The following SEPTIN9 variants were observed in gnomAD, a reference collection of about 807,000 sequenced individuals.
The protein encoded by SEPTIN9 is septin-9.
Under a neutral mutation model 56.6 loss-of-function variants are expected in SEPTIN9, and 13 were observed. That is an observed-to-expected ratio of 0.23 (90% CI 0.15 to 0.37). The LOEUF (loss-of-function observed/expected upper bound fraction) is 0.37, where lower values mean the gene tolerates loss of function less well. SEPTIN9 is among the 10% of genes least tolerant of loss of function. SEPTIN9 has a pLI of 1.00. For synonymous variants in SEPTIN9, 332 were observed against 334.1 expected (o/e 0.99, Z 0.07); for missense variants, 650 against 823.1 (o/e 0.79, Z 2.57).
intron 1 of SEPTIN9, among the ~76,000 whole-genome samples, chr17:77,295,136 CG>C (rs2031752235): frequency 6.6e-6 from 1 of 152,096 alleles, no homozygotes; most frequent in Admixed American, 6.5e-5. Context: ...TGGAAATGAA[CG>C]GGGACGTTAA....
At chr17:77,352,918 G>A (rs1007186344) in intron 2 of SEPTIN9, among the ~76,000 whole-genome samples, 1 of 152,040 alleles carries the variant, frequency 6.6e-6, no homozygotes, top group African/African-American at 2.4e-5. Context: ...CAAAACACTG[G>A]GATTAGAGAC....
chr17:77,493,220 T>TCC, intron 10 of SEPTIN9, 144 bp downstream of exon 10: 1 of 680,122 alleles, frequency 1.5e-6, no homozygotes, highest in Non-Finnish European at 2.6e-6. Context: ...GGTCTCCTTG[T>TCC]CCCCATTCAA....
intron 1 of SEPTIN9, chr17:77,288,311 A>C (rs1598465236): frequency 1.4e-6 from 1 of 701,810 alleles, no homozygotes; most frequent in Non-Finnish European, 1.8e-6. Context: ...CCAGCGCTGC[A>C]CCTGGGAACC....
At chr17:77,410,740 C>T (rs552272377) in intron 3 of SEPTIN9, among the ~76,000 whole-genome samples, 1 of 152,340 alleles carries the variant, frequency 6.6e-6, no homozygotes, top group East Asian at 1.9e-4. Context: ...CAAAAGCCAA[C>T]ACAACCCTTA....
In SEPTIN9 at chr17:77,429,036, G is replaced by A; in HGVS notation, c.721+26333G>A. 2.1e-6 allele frequency: 1 copy of A among 471,514 alleles called. No individual in the cohort carries two copies. The highest frequency in any genetic ancestry group is 1.5e-5 in the South Asian group (1 of 64,568). 29.2% of individuals were successfully genotyped at this position (471,514 alleles called of 1,614,324 possible). On this transcript the variant is annotated intron_variant, in intron 3 of 11. Transcript: ENST00000427177. The surrounding 1 kb of genome is among the most constrained non-coding windows in gnomAD (Gnocchi z 5.2). ...CGGTGAGAATGGGAGCATCTCAGCA[G>A]CCCTCCGCCCCCTGCTCCTGGTTGC... is the stretch of plus-strand genomic sequence containing the variant.
In SEPTIN9 at chr17:77,421,819, AC is replaced by A. The variant is rs1179368209; in HGVS notation, c.721+19119del. Among the ~76,000 whole-genome samples, 2 of 151,840 alleles carry A rather than the reference AC, an allele frequency of 1.3e-5. No homozygotes were observed. Among genetic ancestry groups the A allele is most frequent in the Non-Finnish European group, 2.9e-5 (2 of 67,942 alleles). ...GCCACGCTCATTTCACAGTCGAGAC[AC>A]CCTGGCCGAAGGTTCTGCTAAGCTC... On this transcript the variant is annotated intron_variant, in intron 3 of 11. Coordinates refer to ENST00000427177, the MANE Select transcript of SEPTIN9 (RefSeq NM_001113491.2). The surrounding 1 kb of genome is among the most constrained non-coding windows in gnomAD (Gnocchi z 4.6).
At chr17:77,459,776 C>G (rs905950453) in intron 3 of SEPTIN9, among the ~76,000 whole-genome samples, 1 of 151,984 alleles carries the variant, frequency 6.6e-6, no homozygotes, top group Non-Finnish European at 1.5e-5. Context: ...GCACAATCCT[C>G]GGCTCACTGC....
intron 3 of SEPTIN9, among the ~76,000 whole-genome samples, chr17:77,463,842 C>CA (rs2038589624): frequency 6.6e-6 from 1 of 151,570 alleles, no homozygotes; most frequent in Admixed American, 6.6e-5. Flanking sequence ...GATTCCATCT[C>CA]AAAAAATAAA....
At chr17:77,459,330 C>G (rs921686988) in intron 3 of SEPTIN9, among the ~76,000 whole-genome samples, 4 of 152,216 alleles carry the variant, frequency 2.6e-5, no homozygotes, top group Non-Finnish European at 4.4e-5. Context: ...CAGCCACCTC[C>G]ATCTTCATCA....
Position 77,281,542 on chromosome 17 carries a change from A to G in SEPTIN9, c.7A>G (p.Lys3Glu). The G allele has an allele frequency of 6.5e-7, 1 of 1,549,864 alleles. No homozygotes were observed. Among genetic ancestry groups the G allele is most frequent in the Non-Finnish European group, 8.7e-7 (1 of 1,147,622 alleles). ...CGGCGGCCACGGAGGCACCATGAAGAAGTCTTACTCAGGTGGGCTTCGCGC... is the reference window on the plus strand; with the variant it reads ...CGGCGGCCACGGAGGCACCATGAAGGAGTCTTACTCAGGTGGGCTTCGCGC... MKKSYSGGTRTSS... is the reference protein window; with the variant it reads MKESYSGGTRTSS... The change falls in exon 1 of 12, where the codon AAG becomes GAG. Residue 3 changes from lysine to glutamate, a missense_variant. Lys to Glu is a moderately conservative substitution (Grantham distance 56, BLOSUM62 1). Transcript: ENST00000427177.
chr17:77,391,432 C>T (rs2035536993), intron 2 of SEPTIN9, among the ~76,000 whole-genome samples: 2 of 152,172 alleles, frequency 1.3e-5, no homozygotes, highest in South Asian at 2.1e-4. Flanking sequence ...TGGCCCCTGT[C>T]TCCACGTGGC....
intron 1 of SEPTIN9, among the ~76,000 whole-genome samples, chr17:77,297,266 G>T (rs985950687): frequency 1.3e-5 from 2 of 152,150 alleles, no homozygotes; most frequent in African/African-American, 2.4e-5. Context: ...CTGGGGAACT[G>T]CTGGAGAACT....
intron 3 of SEPTIN9, among the ~76,000 whole-genome samples, chr17:77,432,428 T>C (rs2037179214): frequency 6.6e-6 from 1 of 152,206 alleles, no homozygotes; most frequent in South Asian, 2.1e-4. Flanking sequence ...CATTTATTCA[T>C]GGCCGAGGCC....
Position 77,434,981 on chromosome 17 carries a change from G to A in SEPTIN9, c.721+32278G>A, listed in dbSNP as rs921378389. Among the ~76,000 whole-genome samples, 4 of 152,206 alleles carry A rather than the reference G, an allele frequency of 2.6e-5. No homozygotes were observed. Among genetic ancestry groups the A allele is most frequent in the Admixed American group, 6.5e-5 (1 of 15,288 alleles). On this transcript the variant is annotated intron_variant, in intron 3 of 11. Coordinates refer to ENST00000427177, the MANE Select transcript of SEPTIN9 (RefSeq NM_001113491.2). This position sits in a 1 kb window ranked among gnomAD's most constrained non-coding sequence, Gnocchi z 5.0. ...GGTGCTGGACGGGGCCCTGGCAACC[G>A]TGGCAGGAGTGGTGATGTCCGATGA...
In SEPTIN9 at chr17:77,487,038, T is replaced by A. The variant is rs1385352948; in HGVS notation, c.914-386T>A. ...AACTGCAGGAATCCCGGCCACCTGG[T>A]GCACCCTGGGCAGCCCTGGGCTCCT... On this transcript the variant is annotated intron_variant, in intron 4 of 11. Coordinates refer to ENST00000427177, the MANE Select transcript of SEPTIN9 (RefSeq NM_001113491.2). This position sits in a 1 kb window ranked among gnomAD's most constrained non-coding sequence, Gnocchi z 4.3. Among the ~76,000 whole-genome samples the A allele has an allele frequency of 6.6e-6, 1 of 152,180 alleles. No homozygotes were observed. Among genetic ancestry groups the A allele is most frequent in the African/African-American group, 2.4e-5 (1 of 41,422 alleles).
At chr17:77,344,322 C>G (rs1456691961) in intron 2 of SEPTIN9, among the ~76,000 whole-genome samples, 2 of 152,162 alleles carry the variant, frequency 1.3e-5, no homozygotes, top group African/African-American at 4.8e-5. Flanking sequence ...GATTTCACAC[C>G]CTTTAAGGTG....
Position 77,433,616 on chromosome 17 carries a change from G to A in SEPTIN9, c.721+30913G>A, listed in dbSNP as rs1156601675. Reference sequence around the variant, plus strand: ...GTCCTGGCTTGCTTTCAATAGGCCAGAGGGGTGGGGCTGGAGCGGGCGTCT... The same window carrying A: ...GTCCTGGCTTGCTTTCAATAGGCCAAAGGGGTGGGGCTGGAGCGGGCGTCT... On this transcript the variant is annotated intron_variant, in intron 3 of 11. Transcript: ENST00000427177. This position sits in a 1 kb window ranked among gnomAD's most constrained non-coding sequence, Gnocchi z 6.4. Among the ~76,000 whole-genome samples, 1 of 151,950 alleles carries A rather than the reference G, an allele frequency of 6.6e-6. No individual in the cohort carries two copies. The highest frequency in any genetic ancestry group is 1.5e-5 in the Non-Finnish European group (1 of 67,968).
At chr17:77,440,328 T>C (rs1028885849) in intron 3 of SEPTIN9, among the ~76,000 whole-genome samples, 1 of 152,074 alleles carries the variant, frequency 6.6e-6, no homozygotes, top group African/African-American at 2.4e-5. Flanking sequence ...CGAATTTTTG[T>C]ATTTTTAGTA....
In SEPTIN9 at chr17:77,330,150, C is replaced by T. The variant is rs990694565; in HGVS notation, c.76+22953C>T. Among the ~76,000 whole-genome samples, 6 of 152,352 alleles carry T rather than the reference C, an allele frequency of 3.9e-5. No homozygotes were observed. The highest frequency in any genetic ancestry group is 4.1e-4 in the South Asian group (2 of 4,830). On this transcript the variant is annotated intron_variant, in intron 2 of 11. Coordinates refer to ENST00000427177, the MANE Select transcript of SEPTIN9 (RefSeq NM_001113491.2). This position sits in a 1 kb window ranked among gnomAD's most constrained non-coding sequence, Gnocchi z 4.4. ...CTCCTTCGGGACAGACCCCTGTGATCGCTGGGTGTTCCTGATGCTCTGTCC... is the reference window on the plus strand; with the variant it reads ...CTCCTTCGGGACAGACCCCTGTGATTGCTGGGTGTTCCTGATGCTCTGTCC...
Sources: allele counts gnomAD v4.1 joint callset (sites outside exome capture counted in the v4.1 genomes callset), GRCh38; gene constraint gnomAD v4.1.1; non-coding constraint Gnocchi (gnomAD v3.1); transcripts MANE v1.5; gene names NCBI Gene and HGNC (gene_info 2026-07-23, HGNC 2026-07-21).